CCDC7: variants seen among roughly 807,000 people sequenced by gnomAD.
The protein encoded by CCDC7 is coiled-coil domain-containing protein 7.
In CCDC7, 183 loss-of-function variants were observed where a neutral mutation model predicts 196.9. The ratio of observed to expected loss-of-function variants is 0.93; its 90% confidence interval spans 0.82 to 1.05. The LOEUF is 1.05. Among genes scored for constraint, CCDC7 ranks in the 50% least tolerant of loss-of-function variants. CCDC7 has a pLI of 0.00. For synonymous variants in CCDC7, 525 were observed against 484.6 expected, an observed-to-expected ratio of 1.08 and a Z score of -1.10; for missense variants, 1,540 against 1,482.2, an observed-to-expected ratio of 1.04 and a Z score of -0.64.
intron 29 of CCDC7, among the ~76,000 whole-genome samples, 185 bp from the exon 31 acceptor site, chr10:32,804,830 G>A (rs1364541936): frequency 6.6e-6 from 1 of 151,996 alleles, no homozygotes; most frequent in East Asian, 1.9e-4. Flanking sequence ...AGGCTTATAT[G>A]ATTGCTAACA....
intron 31 of CCDC7, among the ~76,000 whole-genome samples, 159 bp from the exon 33 acceptor site, chr10:32,824,359 T>G (rs2090775426): frequency 6.6e-6 from 1 of 152,170 alleles, no homozygotes; most frequent in Non-Finnish European, 1.5e-5. Context: ...TTGTTAATTT[T>G]CCTTTCAATT....
chr10:32,767,995 C>T (rs2078600176), intron 28 of CCDC7, among the ~76,000 whole-genome samples: 1 of 151,926 alleles, frequency 6.6e-6, no homozygotes, highest in African/African-American at 2.4e-5. Flanking sequence ...ATCAGAGTAT[C>T]TCAACAGCAG....
chr10:32,673,673 G>A (rs1236407136), intron 21 of CCDC7, among the ~76,000 whole-genome samples: 3 of 150,460 alleles, frequency 2.0e-5, no homozygotes, highest in Non-Finnish European at 4.5e-5. Context: ...GTGTGTGTGT[G>A]TGTGTGTGTG....
At chr10:32,853,739 T>C (rs2093650078) in intron 40 of CCDC7, among the ~76,000 whole-genome samples, 1 of 152,196 alleles carries the variant, frequency 6.6e-6, no homozygotes, top group South Asian at 2.1e-4. Context: ...TCTTTTTAAA[T>C]AAAATGATAC....
At chr10:32,529,582 TCTATTC>T (rs1396357725) in intron 11 of CCDC7, among the ~76,000 whole-genome samples, 2 of 152,234 alleles carry the variant, frequency 1.3e-5, no homozygotes, top group African/African-American at 4.8e-5. Flanking sequence ...TTGAAAATTG[TCTATTC>T]ATGTCCTTAG....
chr10:32,814,852 T>C (rs2088038059), intron 31 of CCDC7, among the ~76,000 whole-genome samples: 1 of 152,198 alleles, frequency 6.6e-6, no homozygotes, highest in Non-Finnish European at 1.5e-5. Context: ...TGACCGTTGG[T>C]GTGATACCAA....
intron 28 of CCDC7, among the ~76,000 whole-genome samples, chr10:32,762,293 G>A (rs149943341): frequency 1.7e-3 from 261 of 151,868 alleles, no homozygotes; most frequent in Middle Eastern, 0.014. Context: ...ATGAGTGTGC[G>A]AGCACTTCTC....
At position 32,771,645 on chromosome 10, in the gene CCDC7, C is replaced by T. The variant is rs78683330; in HGVS notation, c.2906-7332C>T. On this transcript the variant is annotated intron_variant, in intron 28 of 41. Transcript: ENST00000639629. The stretch of plus-strand genomic sequence containing the variant: ...GTGATATGACCTGTCCTCAAGTTTT[C>T]CAGTAGTGGGTACCAGCACCAGCTT... 7.9e-3 allele frequency among the ~76,000 whole-genome samples: 1,203 copies of T among 152,250 alleles called. 7 individuals are homozygous for T. Among genetic ancestry groups the T allele is most frequent in the Middle Eastern group, 0.02 (6 of 294 alleles).
chr10:32,549,762 C>T (rs891996271), intron 13 of CCDC7, among the ~76,000 whole-genome samples: 2 of 152,050 alleles, frequency 1.3e-5, no homozygotes, highest in African/African-American at 2.4e-5. Flanking sequence ...TTTTCTGTTC[C>T]ATTGTCAGTG....
At chr10:32,702,637 A>G (rs144684853) in intron 24 of CCDC7, among the ~76,000 whole-genome samples, 8,212 of 152,088 alleles carry the variant, frequency 0.054, 724 homozygotes, top group African/African-American at 0.18. Flanking sequence ...GTCTCCCATT[A>G]TTATTGTGTG....
At chr10:32,527,413 C>CT (rs55992854) in intron 11 of CCDC7, among the ~76,000 whole-genome samples, 20,430 of 152,152 alleles carry the variant, frequency 0.13, 1,630 homozygotes, top group African/African-American at 0.23. Context: ...TCTGATGGTG[C>CT]TTTCCTGTGT....
chr10:32,641,163 G>A (rs1360305776), intron 20 of CCDC7, among the ~76,000 whole-genome samples: 1 of 152,064 alleles, frequency 6.6e-6, no homozygotes, highest in Non-Finnish European at 1.5e-5. Context: ...CATCTTTGTG[G>A]CGTTCTCTGT....
intron 23 of CCDC7, among the ~76,000 whole-genome samples, chr10:32,692,207 T>TA (rs1290577400): frequency 6.6e-6 from 1 of 152,166 alleles, no homozygotes; most frequent in Non-Finnish European, 1.5e-5. Context: ...GAATAGTCAT[T>TA]AGGTACAACT....
Position 32,698,122 on chromosome 10 carries a change from T to C in CCDC7, c.2458+3130T>C, listed in dbSNP as rs908413676. ...ACCTACAGCTAAGGGTCCTGACTGT[T>C]AGAAGAAAAACTAACAGAAAGGAAT... On this transcript the variant is annotated intron_variant, in intron 24 of 41. Transcript: ENST00000639629. Among the ~76,000 whole-genome samples, 4 of 152,062 alleles carry C rather than the reference T, an allele frequency of 2.6e-5. No individual in the cohort carries two copies. The East Asian group carries it at 7.7e-4, about 29-fold the overall frequency.
chr10:32,800,884 G>A (rs1813348429), intron 29 of CCDC7, among the ~76,000 whole-genome samples: 1 of 152,204 alleles, frequency 6.6e-6, no homozygotes, highest in South Asian at 2.1e-4. Context: ...AAGTAAAAAT[G>A]CAGTGGGCTT....
At chr10:32,637,197 G>A (rs1469332143) in intron 20 of CCDC7, among the ~76,000 whole-genome samples, 13 of 152,092 alleles carry the variant, frequency 8.5e-5, no homozygotes, top group African/African-American at 2.9e-4. Context: ...CACTCTGATG[G>A]TAGTTTCTTT....
intron 6 of CCDC7, 63 bp from the exon 8 acceptor site, chr10:32,472,418 G>A (rs11008946): frequency 7.2e-7 from 1 of 1,394,930 alleles, no homozygotes; most frequent in Non-Finnish European, 9.5e-7. Context: ...AGTTATTTTA[G>A]TGTAATTTAA....
chr10:32,777,945 G>C (rs1180132659), intron 28 of CCDC7, among the ~76,000 whole-genome samples: 12 of 152,224 alleles, frequency 7.9e-5, no homozygotes, highest in African/African-American at 2.7e-4. Context: ...GATGATTAGT[G>C]ATGTGGAGCA....
At chr10:32,682,082 G>A (rs985704565) in intron 21 of CCDC7, among the ~76,000 whole-genome samples, 2 of 152,106 alleles carry the variant, frequency 1.3e-5, no homozygotes, top group African/African-American at 4.8e-5. Flanking sequence ...GCTATATTGT[G>A]TATTGCTGGA....
Sources: allele counts gnomAD v4.1 joint callset (sites outside exome capture counted in the v4.1 genomes callset), GRCh38; gene constraint gnomAD v4.1.1; transcripts MANE v1.5; gene names NCBI Gene and HGNC (gene_info 2026-07-23, HGNC 2026-07-21).